Variants in UBL4B observed in about 807,000 individuals in gnomAD.
UBL4B encodes ubiquitin like 4B.
For synonymous variants in UBL4B, 94 were observed against 92.8 expected (o/e 1.01, Z -0.08); for missense variants, 194 against 209.9 (o/e 0.92, Z 0.47).
chr1:110,112,567 G>T lies in UBL4B; in HGVS notation c.33G>T (p.Gln11His). ...TCACAGTCAAGCTGCTCCTGGGCCA[G>T]AGATGCAGTCTGAAGGTGTCAGGGC... MFLTVKLLLG[Q>H]RCSLKVSGQE... The change falls in exon 1 of 1, where the codon CAG becomes CAT. Residue 11 changes from glutamine (Q) to histidine (H), a missense_variant. Coordinates refer to ENST00000334179, the MANE Select transcript of UBL4B (RefSeq NM_203412.2). The T allele has an allele frequency of 6.2e-7, 1 of 1,612,900 alleles. No homozygotes were observed. Among genetic ancestry groups the T allele is most frequent in the Non-Finnish European group, 8.5e-7 (1 of 1,179,448 alleles).
Position 110,113,940 on chromosome 1 carries a change from A to C in UBL4B, c.*881A>C, listed in dbSNP as rs1292221501. The C allele has an allele frequency of 6.0e-6, 1 of 166,848 alleles. No individual in the cohort carries two copies. Among genetic ancestry groups the C allele is most frequent in the Non-Finnish European group, 1.5e-5 (1 of 68,140 alleles). The allele number at this position is 166,848 out of a possible 1,614,324, so 10.3% of individuals were successfully genotyped here. A position where few individuals can be genotyped will look rare whatever the true frequency, so the allele number is the denominator to read the frequency against. Reference sequence around the variant, plus strand: ...ATGTGAAAAGTAAAGTGGTGACATGAAACTAGAGTCTAGTGTGTGTGACTG... The same window carrying C: ...ATGTGAAAAGTAAAGTGGTGACATGCAACTAGAGTCTAGTGTGTGTGACTG... On this transcript the variant is annotated 3_prime_UTR_variant, in exon 1 of 1. Transcript: ENST00000334179.
In UBL4B at chr1:110,112,828, A is replaced by G; in HGVS notation, c.294A>G (p.Leu98=). The G allele has an allele frequency of 6.2e-7, 1 of 1,613,812 alleles. No homozygotes were observed. Among genetic ancestry groups the G allele is most frequent in the Non-Finnish European group, 8.5e-7 (1 of 1,180,016 alleles). Residue 98 remains leucine, a synonymous_variant, in exon 1 of 1, where the codon CTA becomes CTG. Coordinates refer to ENST00000334179, the MANE Select transcript of UBL4B (RefSeq NM_203412.2). ...QPLWHQLGLV[L]AKHFEPQDAK... ...TGTGGCACCAGCTGGGACTGGTCCT[A>G]GCTAAACACTTTGAACCACAGGATG...
Position 110,113,107 on chromosome 1 carries a change from C to T in UBL4B, c.*48C>T, listed in dbSNP as rs758382273. 6.6e-7 allele frequency: 1 copy of T among 1,505,528 alleles called. No individual in the cohort carries two copies. Among genetic ancestry groups the T allele is most frequent in the African/African-American group, 1.4e-5 (1 of 71,560 alleles). 93.3% of individuals were successfully genotyped at this position (1,505,528 alleles called of 1,614,324 possible). On this transcript the variant is annotated 3_prime_UTR_variant, in exon 1 of 1. Coordinates refer to ENST00000334179, the MANE Select transcript of UBL4B (RefSeq NM_203412.2). ...ATGCTAAAATTCTCCCGGCCTCATC[C>T]TTACGTGTTCCCTGGTGACTTTTCC...
rs1231625644 is a variant in UBL4B at position 110,113,215 on chromosome 1, C to T, written c.*156C>T. 5 of 1,092,734 alleles carry T rather than the reference C, an allele frequency of 4.6e-6. No homozygotes were observed. In the Admixed American group the frequency reaches 1.2e-4, roughly 26 times the overall value. 67.7% of individuals were successfully genotyped at this position (1,092,734 alleles called of 1,614,324 possible). A position where few individuals can be genotyped will look rare whatever the true frequency, so the allele number is the denominator to read the frequency against. ...TGGAGGGTTTTTGGATCCCTGTCCC[C>T]TCTTGGGCCTGAGGTCCTCCCTCTG... On this transcript the variant is annotated 3_prime_UTR_variant, in exon 1 of 1. Transcript: ENST00000334179.
rs745892351 is a variant in UBL4B at position 110,112,739 on chromosome 1, GTCA to G, written c.210_212del (p.Ile70del). 5 of 1,613,948 alleles carry G rather than the reference GTCA, an allele frequency of 3.1e-6. No individual in the cohort carries two copies. Among genetic ancestry groups the G allele is most frequent in the Non-Finnish European group, 3.4e-6 (4 of 1,180,052 alleles). The stretch of plus-strand genomic sequence containing the variant: ...CATTGGGCCCAATGCCTCTATCAAT[GTCA>G]TCATGCAGCCCTTGGAGAAGATGGC... On this transcript the variant is annotated inframe_deletion, in exon 1 of 1. Coordinates refer to ENST00000334179, the MANE Select transcript of UBL4B (RefSeq NM_203412.2).
Position 110,112,893 on chromosome 1 carries a change from A to T in UBL4B, c.359A>T (p.Glu120Val). The change falls in exon 1 of 1, where the codon GAG (glutamate) becomes GTG (valine). Residue 120 changes from glutamate (E) to valine (V), a missense_variant. Glu to Val is a moderately radical substitution (Grantham distance 121). Transcript: ENST00000334179. ...VLQLLRQEHE[E>V]RLQKISLEHL... The stretch of plus-strand genomic sequence containing the variant: ...CAGCTGCTAAGGCAGGAGCACGAGG[A>T]GCGCCTGCAGAAGATAAGCCTGGAG... 6.2e-7 allele frequency: 1 copy of T among 1,613,152 alleles called. No homozygotes were observed. Among genetic ancestry groups the T allele is most frequent in the Middle Eastern group, 1.7e-4 (1 of 6,056 alleles).
rs757520509 is a variant in UBL4B, at chr1:110,112,904, A to C, written c.370A>C (p.Lys124Gln). Residue 124 changes from lysine to glutamine, a missense_variant, in exon 1 of 1, where the codon AAG becomes CAG. By Grantham distance (53) the Lys-to-Gln change is moderately conservative. Coordinates refer to ENST00000334179, the MANE Select transcript of UBL4B (RefSeq NM_203412.2). ...LRQEHEERLQ[K>Q]ISLEHLEQLA... ...GCAGGAGCACGAGGAGCGCCTGCAG[A>C]AGATAAGCCTGGAGCACCTGGAGCA... The C allele has an allele frequency of 2.3e-5, 37 of 1,612,728 alleles. No homozygotes were observed. In the Admixed American group the frequency reaches 5.5e-4, roughly 24 times the overall value.
Position 110,112,541 on chromosome 1 carries a change from C to A in UBL4B, c.7C>A (p.Leu3Ile). The A allele has an allele frequency of 6.2e-7, 1 of 1,606,776 alleles. No homozygotes were observed. The highest frequency in any genetic ancestry group is 1.1e-5 in the South Asian group (1 of 90,088). The change falls in exon 1 of 1, where the codon CTC becomes ATC. Residue 3 changes from leucine to isoleucine, a missense_variant. Physicochemically the swap from Leu to Ile is conservative, Grantham distance 5. Coordinates refer to ENST00000334179, the MANE Select transcript of UBL4B (RefSeq NM_203412.2). ...CCTGATTCCACTCAGCCCGATGTTC[C>A]TCACAGTCAAGCTGCTCCTGGGCCA... MF[L>I]TVKLLLGQRC... is the part of the protein sequence containing the mutation.
In UBL4B at chr1:110,113,142, C is replaced by A; in HGVS notation, c.*83C>A. ...CCCTGGTGACTTTTCCTACTACTTC[C>A]TGCTGATGTGGATGCGTCCACACCC... is the stretch of plus-strand genomic sequence containing the variant. On this transcript the variant is annotated 3_prime_UTR_variant, in exon 1 of 1. Coordinates refer to ENST00000334179, the MANE Select transcript of UBL4B (RefSeq NM_203412.2). 1 of 1,467,460 alleles carries A rather than the reference C, an allele frequency of 6.8e-7. No homozygotes were observed. Among genetic ancestry groups the A allele is most frequent in the Non-Finnish European group, 9.0e-7 (1 of 1,107,658 alleles). The allele number at this position is 1,467,460 out of a possible 1,614,324, so 90.9% of individuals were successfully genotyped here. A position where few individuals can be genotyped will look rare whatever the true frequency, so the allele number is the denominator to read the frequency against.
At position 110,113,869 on chromosome 1, in the gene UBL4B, C is replaced by T. The variant is rs1418455254; in HGVS notation, c.*810C>T. 6.0e-6 allele frequency: 1 copy of T among 167,068 alleles called. No individual in the cohort carries two copies. The highest frequency in any genetic ancestry group is 1.5e-5 in the Non-Finnish European group (1 of 68,190). The allele number at this position is 167,068 out of a possible 1,614,324, so 10.3% of individuals were successfully genotyped here. ...AAAATGGTATCTGTCAATGAGGATC[C>T]TTGCCCTCACAGAGCACGCAGCCTA... On this transcript the variant is annotated 3_prime_UTR_variant, in exon 1 of 1. Transcript: ENST00000334179.
Position 110,112,799 on chromosome 1 carries a change from C to T in UBL4B, c.265C>T (p.Pro89Ser), listed in dbSNP as rs1375044365. The T allele has an allele frequency of 3.7e-6, 6 of 1,613,822 alleles. No individual in the cohort carries two copies. The highest frequency in any genetic ancestry group is 4.2e-6 in the Non-Finnish European group (5 of 1,180,046). Reference sequence around the variant, plus strand: ...GGAGGCCCACCAGCCGCAGACCCAGCCCCTGTGGCACCAGCTGGGACTGGT... The same window carrying T: ...GGAGGCCCACCAGCCGCAGACCCAGTCCCTGTGGCACCAGCTGGGACTGGT... Reference protein sequence around the residue: ...LKEAHQPQTQPLWHQLGLVLA... With the variant: ...LKEAHQPQTQSLWHQLGLVLA... The change falls in exon 1 of 1, where the codon CCC becomes TCC. Residue 89 changes from proline to serine, a missense_variant. Coordinates refer to ENST00000334179, the MANE Select transcript of UBL4B (RefSeq NM_203412.2).
In UBL4B at chr1:110,112,758, A is replaced by C; in HGVS notation, c.224A>C (p.Glu75Ala). The C allele has an allele frequency of 6.2e-7, 1 of 1,613,934 alleles. No individual in the cohort carries two copies. The highest frequency in any genetic ancestry group is 8.5e-7 in the Non-Finnish European group (1 of 1,180,018). Residue 75 changes from glutamate (E) to alanine (A), a missense_variant, in exon 1 of 1, where the codon GAG (glutamate) becomes GCG (alanine). By Grantham distance (107) the Glu-to-Ala change is moderately radical. Coordinates refer to ENST00000334179, the MANE Select transcript of UBL4B (RefSeq NM_203412.2). ...ASINVIMQPL[E>A]KMALKEAHQP... ...ATCAATGTCATCATGCAGCCCTTGG[A>C]GAAGATGGCGCTAAAGGAGGCCCAC... is the stretch of plus-strand genomic sequence containing the variant.
chr1:110,113,006 C>T lies in UBL4B; in HGVS notation c.472C>T (p.Pro158Ser). ...GERELEAKAR[P>S]QSSCDMEEKE... ...GAGGGAGCTTGAGGCGAAGGCACGG[C>T]CTCAGAGCTCCTGTGACATGGAGGA... Residue 158 changes from proline (P) to serine (S), a missense_variant, in exon 1 of 1, where the codon CCT becomes TCT. Physicochemically the swap from Pro to Ser is moderately conservative, Grantham distance 74. Transcript: ENST00000334179. The T allele has an allele frequency of 6.2e-7, 1 of 1,604,112 alleles. No individual in the cohort carries two copies.
rs940155187 is a variant in UBL4B at position 110,113,915 on chromosome 1, A to C, written c.*856A>C. The C allele has an allele frequency of 6.0e-6, 1 of 166,924 alleles. No homozygotes were observed. Among genetic ancestry groups the C allele is most frequent in the African/African-American group, 2.4e-5 (1 of 41,460 alleles). The allele number at this position is 166,924 out of a possible 1,614,324, so 10.3% of individuals were successfully genotyped here. On this transcript the variant is annotated 3_prime_UTR_variant, in exon 1 of 1. Coordinates refer to ENST00000334179, the MANE Select transcript of UBL4B (RefSeq NM_203412.2). ...GCCTAGATGCAGAGAGCTGCTATAC[A>C]TGTGAAAAGTAAAGTGGTGACATGA...
chr1:110,112,670 C>T lies in UBL4B; in HGVS notation c.136C>T (p.Arg46Cys), dbSNP rs375374857. The part of the protein sequence containing the change: ...VPEEQQHLLF[R>C]GQLLEDDKHL... ...TGAGGAGCAGCAGCACCTGCTTTTC[C>T]GTGGCCAGCTCCTGGAGGATGACAA... The change falls in exon 1 of 1, where the codon CGT (arginine) becomes TGT (cysteine). Residue 46 changes from arginine (R) to cysteine (C), a missense_variant. By Grantham distance (180) the Arg-to-Cys change is radical (BLOSUM62 -3). Coordinates refer to ENST00000334179, the MANE Select transcript of UBL4B (RefSeq NM_203412.2). 364 of 1,614,052 alleles carry T rather than the reference C, an allele frequency of 2.3e-4. 1 individual carries two copies. Among genetic ancestry groups the T allele is most frequent in the Admixed American group, 7.5e-4 (45 of 60,008 alleles).
Position 110,112,670 on chromosome 1 carries a change from C to G in UBL4B, c.136C>G (p.Arg46Gly). Reference protein sequence around the residue: ...VPEEQQHLLFRGQLLEDDKHL... With the variant: ...VPEEQQHLLFGGQLLEDDKHL... ...TGAGGAGCAGCAGCACCTGCTTTTC[C>G]GTGGCCAGCTCCTGGAGGATGACAA... The change falls in exon 1 of 1, where the codon CGT (arginine) becomes GGT (glycine). Residue 46 changes from arginine (R) to glycine (G), a missense_variant. By Grantham distance (125) the Arg-to-Gly change is moderately radical. Coordinates refer to ENST00000334179, the MANE Select transcript of UBL4B (RefSeq NM_203412.2). 6.2e-7 allele frequency: 1 copy of G among 1,614,170 alleles called. No individual in the cohort carries two copies. The highest frequency in any genetic ancestry group is 8.5e-7 in the Non-Finnish European group (1 of 1,180,048).
Position 110,113,326 on chromosome 1 carries a change from C to T in UBL4B, c.*267C>T. On this transcript the variant is annotated 3_prime_UTR_variant, in exon 1 of 1. Coordinates refer to ENST00000334179, the MANE Select transcript of UBL4B (RefSeq NM_203412.2). ...AGGGCAGCCCCAAAGGCCACAGTCC[C>T]CTCCTGTGCTGGCAGCTTTGCCCAC... 1 of 474,356 alleles carries T rather than the reference C, an allele frequency of 2.1e-6. No individual in the cohort carries two copies. Among genetic ancestry groups the T allele is most frequent in the Non-Finnish European group, 3.8e-6 (1 of 265,608 alleles). 29.4% of individuals were successfully genotyped at this position (474,356 alleles called of 1,614,324 possible). A position where few individuals can be genotyped will look rare whatever the true frequency, so the allele number is the denominator to read the frequency against.
rs1033753929 is a variant in UBL4B, at chr1:110,113,420, T to G, written c.*361T>G. On this transcript the variant is annotated 3_prime_UTR_variant, in exon 1 of 1. Transcript: ENST00000334179. ...GGTCTCCATGGTTCTAGGCAGACCCTCTTTCTCCTTCGGGACAGAAAGACA... is the reference window on the plus strand; with the variant it reads ...GGTCTCCATGGTTCTAGGCAGACCCGCTTTCTCCTTCGGGACAGAAAGACA... The G allele has an allele frequency of 1.3e-5, 3 of 227,284 alleles. No individual in the cohort carries two copies. The highest frequency in any genetic ancestry group is 2.8e-5 in the Non-Finnish European group (3 of 106,634). The allele number at this position is 227,284 out of a possible 1,614,324, so 14.1% of individuals were successfully genotyped here.
In UBL4B at chr1:110,112,483, A is replaced by G; in HGVS notation, c.-52A>G. On this transcript the variant is annotated 5_prime_UTR_variant, in exon 1 of 1. Transcript: ENST00000334179. The stretch of plus-strand genomic sequence containing the variant: ...CCAACATCTCCCGCAGGACCCCCTA[A>G]TCTTCAGGGCAGCTCCCAGAGCATG... The G allele has an allele frequency of 6.5e-7, 1 of 1,543,642 alleles. No homozygotes were observed. The highest frequency in any genetic ancestry group is 8.7e-7 in the Non-Finnish European group (1 of 1,145,664).
Sources: allele counts gnomAD v4.1 joint callset, GRCh38; gene constraint gnomAD v4.1.1; transcripts MANE v1.5; gene names NCBI Gene and HGNC (gene_info 2026-07-23, HGNC 2026-07-21).